Variants in TMPRSS2 observed in about 807,000 individuals in gnomAD.
TMPRSS2 encodes transmembrane serine protease 2.
Under a neutral mutation model 67.4 loss-of-function variants are expected in TMPRSS2, and 59 were observed. The observed-to-expected ratio is 0.88, with a 90% confidence interval of 0.71 to 1.09. The LOEUF is 1.09. Ranked by LOEUF, TMPRSS2 falls within the 50% of genes least tolerant of loss-of-function variation. TMPRSS2 has a pLI of 0.00. For synonymous variants in TMPRSS2, 257 were observed against 257.0 expected (o/e 1.00, Z 0.00); for missense variants, 668 against 642.7 (o/e 1.04, Z -0.43).
At chr21:41,468,339 TG>T (rs972714303) in intron 12 of TMPRSS2, 56 bp downstream of exon 12, 3 of 1,600,714 alleles carry the variant, frequency 1.9e-6, no homozygotes, top group African/African-American at 2.7e-5. Flanking sequence ...CTCTCTCTCA[TG>T]GGGGGTTCAG....
Position 41,489,580 on chromosome 21 carries a change from T to C in TMPRSS2, c.252A>G (p.Ala84=), listed in dbSNP as rs756938105. The stretch of plus-strand genomic sequence containing the variant: ...TCCCCAGGGTCAAGGTGATGCACAG[T>C]GCTTTCTTAGTCTCTGGAAGAAGGA... ...GTVCTSKTKK[A]LCITLTLGTF... Residue 84 remains alanine (A), a synonymous_variant, in exon 4 of 14, where the codon GCA becomes GCG. Coordinates refer to ENST00000332149, the MANE Select transcript of TMPRSS2 (RefSeq NM_005656.4). 2 of 1,614,108 alleles carry C rather than the reference T, an allele frequency of 1.2e-6. No homozygotes were observed. Among genetic ancestry groups the C allele is most frequent in the South Asian group, 1.1e-5 (1 of 91,078 alleles).
At chr21:41,501,052 GC>G (rs1284937509) in intron 1 of TMPRSS2, among the ~76,000 whole-genome samples, 2 of 152,156 alleles carry the variant, frequency 1.3e-5, no homozygotes, top group African/African-American at 4.8e-5. Context: ...CAGCTCAGAA[GC>G]CCTCTGAAAG....
intron 3 of TMPRSS2, among the ~76,000 whole-genome samples, 183 bp downstream of exon 3, chr21:41,494,173 G>A (rs749430893): frequency 6.6e-6 from 1 of 152,218 alleles, no homozygotes; most frequent in Non-Finnish European, 1.5e-5. Context: ...GCCTGGCAGC[G>A]ACAGCTTTGA....
At position 41,464,676 on chromosome 21, in the gene TMPRSS2, AGAAG is replaced by A. The variant is rs754957109; in HGVS notation, c.*1462_*1465del. The A allele has an allele frequency of 1.7e-4, 40 of 233,232 alleles. No individual in the cohort carries two copies. Among genetic ancestry groups the A allele is most frequent in the Non-Finnish European group, 9.3e-5 (11 of 118,066 alleles). The allele number at this position is 233,232 out of a possible 1,614,324, so 14.4% of individuals were successfully genotyped here. The stretch of plus-strand genomic sequence containing the variant: ...TCACATAAATAAGAAGGGGCAATAA[AGAAG>A]GAAGACGTTTTCACCATTACAACAC... On this transcript the variant is annotated 3_prime_UTR_variant, in exon 14 of 14. Coordinates refer to ENST00000332149, the MANE Select transcript of TMPRSS2 (RefSeq NM_005656.4).
chr21:41,488,621 C>T, intron 4 of TMPRSS2, 108 bp from the exon 5 acceptor site: 19 of 1,242,470 alleles, frequency 1.5e-5, no homozygotes, highest in Non-Finnish European at 2.1e-5. Context: ...GCCTCCAACT[C>T]CTGGCCCCAC....
intron 9 of TMPRSS2, among the ~76,000 whole-genome samples, chr21:41,472,468 G>C (rs1601563593): frequency 6.6e-6 from 1 of 151,952 alleles, no homozygotes; most frequent in Non-Finnish European, 1.5e-5. Context: ...GTGTGAAGAG[G>C]GGGAGAGAAG....
intron 8 of TMPRSS2, among the ~76,000 whole-genome samples, chr21:41,475,153 GA>G (rs141400887): frequency 0.11 from 591 of 5,314 alleles, 1 homozygote; most frequent in Middle Eastern, 0.25. Flanking sequence ...AGGCATGATT[GA>G]GGGGGTGAAG....
At chr21:41,486,948 G>C (rs1280593779) in intron 5 of TMPRSS2, 1 of 152,200 alleles carries the variant, frequency 6.6e-6, no homozygotes, top group Admixed American at 6.5e-5. Context: ...GGGAGTGGAA[G>C]TTGCTACAGC....
rs774045935 is a variant in TMPRSS2, at chr21:41,488,420, G to A, written c.419C>T (p.Pro140Leu). Residue 140 changes from proline to leucine, a missense_variant, in exon 5 of 14, where the codon CCC becomes CTC. By Grantham distance (98) the Pro-to-Leu change is moderately conservative. Transcript: ENST00000332149. ...ACACCGATTCTCGTCCTCCCCGCCG[G>A]GGCAGTGTGACACGCCATCACACCA... ...SNWCDGVSHC[P>L]GGEDENRCVR... 1 of 1,613,426 alleles carries A rather than the reference G, an allele frequency of 6.2e-7. No individual in the cohort carries two copies. Among genetic ancestry groups the A allele is most frequent in the Non-Finnish European group, 8.5e-7 (1 of 1,179,644 alleles).
intron 1 of TMPRSS2, among the ~76,000 whole-genome samples, chr21:41,507,040 T>C (rs778304080): frequency 1.3e-5 from 2 of 152,148 alleles, no homozygotes; most frequent in African/African-American, 2.4e-5. Flanking sequence ...TCCTCGTGAT[T>C]AGGGCTGCCA....
chr21:41,488,653 T>C, intron 4 of TMPRSS2, 140 bp from the exon 5 acceptor site: 1 of 1,058,802 alleles, frequency 9.4e-7, no homozygotes, highest in Non-Finnish European at 1.3e-6. Flanking sequence ...TTGTTTTGTT[T>C]TTGAGATGAA....
chr21:41,498,262 T>A, intron 1 of TMPRSS2, 73 bp from the exon 2 acceptor site: 1 of 1,036,918 alleles, frequency 9.6e-7, no homozygotes, highest in Non-Finnish European at 1.4e-6. Context: ...TGGAAAGAAC[T>A]AGAAGAATCT....
rs1189756287 is a variant in TMPRSS2 at position 41,480,530 on chromosome 21, T to C, written c.518A>G (p.Gln173Arg). The C allele has an allele frequency of 3.1e-6, 5 of 1,613,718 alleles. No individual in the cohort carries two copies. In the South Asian group the frequency reaches 3.3e-5, roughly 11 times the overall value. The change falls in exon 6 of 14, where the codon CAA (glutamine) becomes CGA (arginine). Residue 173 changes from glutamine (Q) to arginine (R), a missense_variant. Transcript: ENST00000332149. ...SQRKSWHPVC[Q>R]DDWNENYGRA... ...CCCGTAGTTCTCGTTCCAGTCGTCTTGGCACACAGGGTGCCAGGACTTCCT... is the reference window on the plus strand; with the variant it reads ...CCCGTAGTTCTCGTTCCAGTCGTCTCGGCACACAGGGTGCCAGGACTTCCT...
At chr21:41,492,006 C>T (rs965461327) in intron 3 of TMPRSS2, among the ~76,000 whole-genome samples, 1 of 152,164 alleles carries the variant, frequency 6.6e-6, no homozygotes, top group Non-Finnish European at 1.5e-5. Context: ...ACCAGCCTGG[C>T]CAGCATGGCA....
chr21:41,499,618 A>AT (rs34205539), intron 1 of TMPRSS2, among the ~76,000 whole-genome samples: 12,121 of 151,852 alleles, frequency 0.08, 557 homozygotes, highest in Middle Eastern at 0.18. Flanking sequence ...TCTCTTTGTG[A>AT]TTTTTCCACC....
intron 5 of TMPRSS2, chr21:41,487,532 G>A (rs1183317708): frequency 6.6e-6 from 1 of 152,186 alleles, no homozygotes; most frequent in Non-Finnish European, 1.5e-5. Context: ...CACTACAAGA[G>A]TAGGTTTTAT....
rs1281382357 is a variant in TMPRSS2 at position 41,508,096 on chromosome 21, C to A, written c.-72G>T. On this transcript the variant is annotated 5_prime_UTR_variant, in exon 1 of 14. Transcript: ENST00000332149. ...CGCCGCTCACCTGCCGCGCTCCAGG[C>A]GGCGCTCCCCGCCCCTCGCCCTCCG... is the stretch of plus-strand genomic sequence containing the variant. 4 of 1,221,088 alleles carry A rather than the reference C, an allele frequency of 3.3e-6. No individual in the cohort carries two copies. The highest frequency in any genetic ancestry group is 4.2e-6 in the Non-Finnish European group (4 of 955,980). 75.6% of individuals were successfully genotyped at this position (1,221,088 alleles called of 1,614,324 possible).
intron 1 of TMPRSS2, among the ~76,000 whole-genome samples, chr21:41,498,848 G>C (rs2091404442): frequency 6.6e-6 from 1 of 152,180 alleles, no homozygotes; most frequent in Admixed American, 6.5e-5. Flanking sequence ...GTCCTCATGG[G>C]AAAACGGACA....
chr21:41,467,682 C>A, intron 13 of TMPRSS2, 52 bp downstream of exon 13: 1 of 1,598,304 alleles, frequency 6.3e-7, no homozygotes, highest in Non-Finnish European at 8.5e-7. Flanking sequence ...AGATGTCTGG[C>A]TTTGGCTCGA....
Sources: gnomAD v4.1 joint callset for allele counts (sites outside exome capture counted in the v4.1 genomes callset) on GRCh38, gnomAD v4.1.1 for gene constraint, MANE v1.5 for transcripts, NCBI Gene and HGNC (gene_info 2026-07-23, HGNC 2026-07-21) for gene names.